The following MDGA2 variants were observed in gnomAD, a reference collection of about 807,000 sequenced individuals.
MDGA2 encodes the protein MAM domain-containing glycosylphosphatidylinositol anchor protein 2.
Under a neutral mutation model 117.8 loss-of-function variants are expected in MDGA2, and 40 were observed. The observed-to-expected ratio is 0.34, with a 90% CI of 0.26 to 0.44. The LOEUF is 0.44. Among genes scored for constraint, MDGA2 ranks in the 20% least tolerant of loss-of-function variants. The pLI, the probability that MDGA2 is intolerant of heterozygous loss-of-function variation, is 1.00. For missense variants in MDGA2, 1,123 were observed against 1,250.6 expected, an observed-to-expected ratio of 0.90 and a Z score of 1.54; for synonymous variants, 452 against 439.0, an observed-to-expected ratio of 1.03 and a Z score of -0.37.
chr14:46,863,558 G>A (rs1259473123), intron 14 of MDGA2, among the ~76,000 whole-genome samples: 1 of 152,072 alleles, frequency 6.6e-6, no homozygotes, highest in East Asian at 1.9e-4. Flanking sequence ...CACTGGATGA[G>A]AAACAGAAGC....
chr14:47,023,864 T>G lies in MDGA2; in HGVS notation c.1819+11147A>C, dbSNP rs116999555. ...GAAGATCTGCTTAGCAATGACAGTTTGAGTCATTATATTGCCAAGCAAGAG... is the reference window on the plus strand; with the variant it reads ...GAAGATCTGCTTAGCAATGACAGTTGGAGTCATTATATTGCCAAGCAAGAG... On this transcript the variant is annotated intron_variant, in intron 8 of 16. Transcript: ENST00000399232. 1.0e-3 allele frequency among the ~76,000 whole-genome samples: 157 copies of G among 152,252 alleles called. 1 individual carries two copies. The East Asian group carries it at 0.025, about 24-fold the overall frequency.
At chr14:47,563,578 G>GTTTTTTTTTTTTTTT (rs56244321) in intron 1 of MDGA2, among the ~76,000 whole-genome samples, 1 of 56,974 alleles carries the variant, frequency 1.8e-5, no homozygotes, top group Non-Finnish European at 3.2e-5. Context: ...GCTTTTTTCT[G>GTTTTTTTTTTTTTTT]TTTTTTTTTT....
At chr14:47,043,009 A>G (rs1021594831) in intron 7 of MDGA2, among the ~76,000 whole-genome samples, 3 of 152,122 alleles carry the variant, frequency 2.0e-5, no homozygotes, top group Non-Finnish European at 1.5e-5. Context: ...TCATATAATG[A>G]TACAAGGCAA....
At chr14:47,405,378 CAA>C (rs1310932647) in intron 1 of MDGA2, among the ~76,000 whole-genome samples, 4 of 152,110 alleles carry the variant, frequency 2.6e-5, no homozygotes, top group South Asian at 2.1e-4. Context: ...ATAAATTCCA[CAA>C]AGTCTTCAGC....
chr14:47,399,498 T>G (rs1892087329), intron 1 of MDGA2, among the ~76,000 whole-genome samples: 1 of 152,186 alleles, frequency 6.6e-6, no homozygotes, highest in South Asian at 2.1e-4. Flanking sequence ...AGAAGAAGAT[T>G]TATTTCAATC....
intron 2 of MDGA2, among the ~76,000 whole-genome samples, chr14:47,233,656 T>A (rs116109434): frequency 0.016 from 2,376 of 152,226 alleles, 67 homozygotes; most frequent in African/African-American, 0.053. Flanking sequence ...GAAAAAGATG[T>A]TACTATAGAA....
At chr14:47,571,322 C>A (rs1470309725) in intron 1 of MDGA2, among the ~76,000 whole-genome samples, 4 of 152,132 alleles carry the variant, frequency 2.6e-5, no homozygotes, top group Non-Finnish European at 5.9e-5. Context: ...TAAATTAGTT[C>A]AACCATTGTG....
At chr14:47,058,627 T>C (rs555158277) in intron 7 of MDGA2, 1 of 985,048 alleles carries the variant, frequency 1.0e-6, no homozygotes, top group African/African-American at 1.7e-5. Flanking sequence ...TTGGGATAAA[T>C]ATCATTTTAA....
At chr14:47,040,297 G>A (rs1316346642) in intron 7 of MDGA2, among the ~76,000 whole-genome samples, 5 of 151,964 alleles carry the variant, frequency 3.3e-5, no homozygotes, top group African/African-American at 4.8e-5. Flanking sequence ...CACTAACAGC[G>A]GTTCTCTCTA....
At chr14:47,486,405 A>G (rs904064387) in intron 1 of MDGA2, among the ~76,000 whole-genome samples, 2 of 152,118 alleles carry the variant, frequency 1.3e-5, no homozygotes, top group African/African-American at 4.8e-5. Context: ...TTTTGATTTT[A>G]CAGGGTCATA....
At chr14:47,383,105 C>CA (rs1404806181) in intron 1 of MDGA2, among the ~76,000 whole-genome samples, 1 of 152,104 alleles carries the variant, frequency 6.6e-6, no homozygotes, top group Non-Finnish European at 1.5e-5. Flanking sequence ...GTCACAAGGA[C>CA]AGAAAACCAA....
At chr14:47,346,273 C>G (rs1594809441) in intron 1 of MDGA2, among the ~76,000 whole-genome samples, 1 of 152,024 alleles carries the variant, frequency 6.6e-6, no homozygotes, top group African/African-American at 2.4e-5. Context: ...AAGCTAACAA[C>G]AGTTAACGGA....
intron 8 of MDGA2, among the ~76,000 whole-genome samples, chr14:46,999,724 C>T (rs1406415480): frequency 1.3e-5 from 2 of 152,032 alleles, no homozygotes; most frequent in Non-Finnish European, 2.9e-5. Context: ...AAAGAAGGCA[C>T]TCCTCCACCC....
At chr14:47,298,292 T>G (rs1234735433) in intron 2 of MDGA2, among the ~76,000 whole-genome samples, 1 of 152,076 alleles carries the variant, frequency 6.6e-6, no homozygotes, top group Non-Finnish European at 1.5e-5. Context: ...TTTCTTTGGA[T>G]ACATCAATAC....
intron 1 of MDGA2, among the ~76,000 whole-genome samples, chr14:47,364,396 C>T (rs113126348): frequency 6.2e-4 from 95 of 152,286 alleles, no homozygotes; most frequent in African/African-American, 2.2e-3. Flanking sequence ...TCCCAAGTAG[C>T]TGGGACTACA....
At chr14:47,428,727 C>T (rs1892739439) in intron 1 of MDGA2, among the ~76,000 whole-genome samples, 1 of 151,886 alleles carries the variant, frequency 6.6e-6, no homozygotes, top group African/African-American at 2.4e-5. Flanking sequence ...TGTATATATA[C>T]ACACATATAC....
At chr14:47,656,626 A>G (rs1897749436) in intron 1 of MDGA2, among the ~76,000 whole-genome samples, 2 of 152,172 alleles carry the variant, frequency 1.3e-5, no homozygotes, top group East Asian at 1.9e-4. Flanking sequence ...ATCAGCAACA[A>G]TAACTCAGAA....
intron 3 of MDGA2, among the ~76,000 whole-genome samples, chr14:47,160,498 T>C (rs971263502): frequency 1.3e-5 from 2 of 152,060 alleles, no homozygotes; most frequent in Admixed American, 1.3e-4. Flanking sequence ...AAACCCTGCC[T>C]CTACAAAAAC....
At chr14:47,499,502 T>C (rs1894355151) in intron 1 of MDGA2, among the ~76,000 whole-genome samples, 1 of 152,184 alleles carries the variant, frequency 6.6e-6, no homozygotes, top group African/African-American at 2.4e-5. Flanking sequence ...TTCCCTATTC[T>C]TCTAGACCAA....
Sources: allele counts gnomAD v4.1 joint callset (sites outside exome capture counted in the v4.1 genomes callset), GRCh38; gene constraint gnomAD v4.1.1; transcripts MANE v1.5; gene names NCBI Gene and HGNC (gene_info 2026-07-23, HGNC 2026-07-21).